DOCK6: variants seen among roughly 807,000 people sequenced by gnomAD.
The protein encoded by DOCK6 is dedicator of cytokinesis protein 6.
A neutral mutation model predicts 230.3 loss-of-function variants in DOCK6; 167 were observed. The ratio of observed to expected loss-of-function variants is 0.73; its 90% CI spans 0.64 to 0.82. The LOEUF (loss-of-function observed/expected upper bound fraction) is 0.82, where lower values mean the gene tolerates loss of function less well. Among genes scored for constraint, DOCK6 ranks in the 40% least tolerant of loss-of-function variants. The pLI is 0.00. For missense variants in DOCK6, 2,598 were observed against 2,825.8 expected, an observed-to-expected ratio of 0.92 and a Z score of 1.83; for synonymous variants, 1,148 against 1,185.0, an observed-to-expected ratio of 0.97 and a Z score of 0.64.
intron 15 of DOCK6, 32 bp downstream of exon 15, chr19:11,238,155 C>T (rs1308698837): frequency 2.5e-6 from 4 of 1,613,600 alleles, no homozygotes; most frequent in Non-Finnish European, 3.4e-6. Context: ...GGGGGATGCC[C>T]TACCCCCCTT....
chr19:11,229,338 G>A (rs148493058), intron 22 of DOCK6: 38 of 1,157,004 alleles, frequency 3.3e-5, no homozygotes, highest in Non-Finnish European at 3.7e-5. Context: ...TGGTGGGGCC[G>A]AGGAGGAACC....
In DOCK6 at chr19:11,238,219, T is replaced by C. The variant is rs2079882792; in HGVS notation, c.1729A>G (p.Met577Val). The C allele has an allele frequency of 2.5e-6, 4 of 1,613,590 alleles. No homozygotes were observed. The highest frequency in any genetic ancestry group is 1.3e-5 in the African/African-American group (1 of 74,926). The change falls in exon 15 of 48, where the codon ATG becomes GTG. Residue 577 changes from methionine (M) to valine (V), a missense_variant. Physicochemically the swap from Met to Val is conservative, Grantham distance 21. Coordinates refer to ENST00000294618, the MANE Select transcript of DOCK6 (RefSeq NM_020812.4). ...GCCTGGCTGGGGTCCTCGCCTGTCA[T>C]GTACTGCACTCGCACAGCAAGGTTG... Reference protein sequence around the residue: ...VRNLAVRVQYMTGEDPSQALP... With the variant: ...VRNLAVRVQYVTGEDPSQALP...
At position 11,252,803 on chromosome 19, in the gene DOCK6, C is replaced by T; in HGVS notation, c.288G>A (p.Glu96=). The T allele has an allele frequency of 6.2e-7, 1 of 1,611,906 alleles. No individual in the cohort carries two copies. The highest frequency in any genetic ancestry group is 8.5e-7 in the Non-Finnish European group (1 of 1,178,712). Residue 96 remains glutamate (E), a synonymous_variant, in exon 3 of 48, where the codon GAG becomes GAA. Coordinates refer to ENST00000294618, the MANE Select transcript of DOCK6 (RefSeq NM_020812.4). ...CCCACTCATCCTTGGGGATCCCGGG[C>T]TCCGTGGTCCGGCATTCCCGGGGCT... ...LLQPRECRTT[E]PGIPKDEKLD... is the part of the protein sequence containing the mutation.
intron 22 of DOCK6, among the ~76,000 whole-genome samples, chr19:11,229,592 C>T (rs374255594): frequency 4.6e-4 from 70 of 151,864 alleles, no homozygotes; most frequent in South Asian, 1.5e-3. Flanking sequence ...GATGGGCCGG[C>T]GTGGGTTGGG....
intron 47 of DOCK6, 119 bp from the exon 48 acceptor site, chr19:11,199,658 C>G: frequency 9.2e-7 from 1 of 1,089,102 alleles, no homozygotes; most frequent in Non-Finnish European, 1.4e-6. Context: ...TCTGGGATCT[C>G]TCCTGTCCCT....
chr19:11,203,986 T>C (rs2079214183), intron 41 of DOCK6, 95 bp downstream of exon 41: 1 of 1,496,762 alleles, frequency 6.7e-7, no homozygotes, highest in Non-Finnish European at 9.1e-7. Flanking sequence ...CCAGCGGCCA[T>C]GCTCCTCTGG....
chr19:11,216,290 G>A, intron 30 of DOCK6: 1 of 179,468 alleles, frequency 5.6e-6, no homozygotes, highest in South Asian at 1.2e-4. Flanking sequence ...GTTTTACCAT[G>A]CTGCCCAGGC....
intron 21 of DOCK6, among the ~76,000 whole-genome samples, chr19:11,234,642 A>G (rs1033871074): frequency 6.6e-6 from 1 of 151,710 alleles, no homozygotes; most frequent in African/African-American, 2.4e-5. Context: ...ACAAAAGGAA[A>G]AACAGGCTCA....
chr19:11,231,092 C>A (rs1468719024), intron 22 of DOCK6, among the ~76,000 whole-genome samples: 1 of 152,126 alleles, frequency 6.6e-6, no homozygotes, highest in Non-Finnish European at 1.5e-5. Context: ...GCCCAAAGGC[C>A]CCCCCTGCTT....
chr19:11,254,677 G>A (rs1279333121), intron 1 of DOCK6, among the ~76,000 whole-genome samples: 1 of 149,372 alleles, frequency 6.7e-6, no homozygotes, highest in Non-Finnish European at 1.5e-5. Flanking sequence ...GCAAGACTTT[G>A]TCTCGAAAAA....
chr19:11,244,166 G>T (rs879369652), intron 9 of DOCK6, among the ~76,000 whole-genome samples: 1 of 150,616 alleles, frequency 6.6e-6, no homozygotes, highest in Non-Finnish European at 1.5e-5. Context: ...TTACATTTAT[G>T]TATGTATGTA....
Position 11,201,082 on chromosome 19 carries a change from G to A in DOCK6, c.5689-30C>T, listed in dbSNP as rs766123847. 19 of 1,610,336 alleles carry A rather than the reference G, an allele frequency of 1.2e-5. No homozygotes were observed. Among genetic ancestry groups the A allele is most frequent in the East Asian group, 6.7e-5 (3 of 44,820 alleles). ...GGGGTAAGGGGAGGGGTGTGTACTC[G>A]CTGGGGCCTGAGGAGGTCCTGATCG... On this transcript the variant is annotated intron_variant, in intron 44 of 47. Transcript: ENST00000294618. This position sits in a 1 kb window ranked among gnomAD's most constrained non-coding sequence, Gnocchi z 4.3.
intron 28 of DOCK6, chr19:11,221,624 A>G (rs1198993586): frequency 1.7e-6 from 1 of 583,182 alleles, no homozygotes; most frequent in Non-Finnish European, 3.0e-6. Flanking sequence ...ACATTTTCAC[A>G]TAACCTTATG....
At chr19:11,257,224 T>C (rs2147891108) in intron 1 of DOCK6, among the ~76,000 whole-genome samples, 1 of 151,664 alleles carries the variant, frequency 6.6e-6, no homozygotes, top group South Asian at 2.1e-4. Flanking sequence ...CTCAAACTCC[T>C]GACCTTCCGT....
intron 35 of DOCK6, 103 bp downstream of exon 35, chr19:11,213,073 C>G (rs1027024235): frequency 2.1e-6 from 3 of 1,453,250 alleles, no homozygotes; most frequent in Non-Finnish European, 2.8e-6. Context: ...GCTCATTATG[C>G]TCAATGACTG....
chr19:11,217,242 C>T lies in DOCK6; in HGVS notation c.3700G>A (p.Gly1234Arg). The T allele has an allele frequency of 1.2e-6, 2 of 1,612,638 alleles. No individual in the cohort carries two copies. Among genetic ancestry groups the T allele is most frequent in the Non-Finnish European group, 1.7e-6 (2 of 1,179,464 alleles). ...APGSRASISQ[G>R]PPTASRAGCA... ...GCCTCCCTACTCACCGTTGGTGGCC[C>T]CTGGGAGATGCTGGCCCGGGAGCCA... Residue 1234 changes from glycine to arginine, a missense_variant, in exon 29 of 48, where the codon GGG becomes AGG. Transcript: ENST00000294618.
rs1436365754 is a variant in DOCK6, at chr19:11,208,490, A to G, written c.5088+196T>C. ...GAGACAGGGTTTCACCATGCTGGCC[A>G]GGCTGGTCTCGAACTCCTGGCCTCA... On this transcript the variant is annotated intron_variant, in intron 39 of 47. Transcript: ENST00000294618. 4.7e-6 allele frequency: 3 copies of G among 637,884 alleles called. No individual in the cohort carries two copies. The East Asian group carries it at 8.8e-5, about 19-fold the overall frequency. 39.5% of individuals were successfully genotyped at this position (637,884 alleles called of 1,614,324 possible).
intron 1 of DOCK6, among the ~76,000 whole-genome samples, chr19:11,256,078 T>A (rs6511731): frequency 1.3e-5 from 2 of 152,076 alleles, no homozygotes; most frequent in Admixed American, 1.3e-4. Context: ...GTGAGCCACC[T>A]TGCCCGGCCC....
At position 11,201,795 on chromosome 19, in the gene DOCK6, G is replaced by T; in HGVS notation, c.5688+94C>A. On this transcript the variant is annotated intron_variant, in intron 44 of 47. Transcript: ENST00000294618. The surrounding 1 kb of genome is among the most constrained non-coding windows in gnomAD (Gnocchi z 4.3). ...GGGTCTGAGGTCCGTGAACCACCTT[G>T]GGTCTGGGTCCCTGTGTCTACCCTC... 1 of 1,209,616 alleles carries T rather than the reference G, an allele frequency of 8.3e-7. No individual in the cohort carries two copies. The highest frequency in any genetic ancestry group is 1.2e-6 in the Non-Finnish European group (1 of 868,558). 74.9% of individuals were successfully genotyped at this position (1,209,616 alleles called of 1,614,324 possible).
Sources: allele counts gnomAD v4.1 joint callset (sites outside exome capture counted in the v4.1 genomes callset), GRCh38; gene constraint gnomAD v4.1.1; non-coding constraint Gnocchi (gnomAD v3.1); transcripts MANE v1.5; gene names NCBI Gene and HGNC (gene_info 2026-07-23, HGNC 2026-07-21).